KLHL8: variants seen among roughly 807,000 people sequenced by gnomAD.
KLHL8 encodes the protein kelch like family member 8, also known as kelch-like protein 8.
In KLHL8, 38 loss-of-function variants were observed where a neutral mutation model predicts 63.5. The observed-to-expected ratio is 0.60, with a 90% CI of 0.46 to 0.78. KLHL8 has a LOEUF of 0.78. KLHL8 is among the 30% of genes least tolerant of loss of function. KLHL8 has a pLI of 0.00. For missense variants in KLHL8, 566 were observed against 752.4 expected, an observed-to-expected ratio of 0.75 and a Z score of 2.90; for synonymous variants, 224 against 254.3, an observed-to-expected ratio of 0.88 and a Z score of 1.13.
intron 4 of KLHL8, among the ~76,000 whole-genome samples, chr4:87,182,045 G>A (rs990374955): frequency 2.6e-5 from 4 of 151,816 alleles, no homozygotes; most frequent in Admixed American, 6.6e-5. Context: ...TGGCTAACAC[G>A]GTGAAACCCC....
chr4:87,218,101 A>G (rs184222161), intron 1 of KLHL8, among the ~76,000 whole-genome samples: 2 of 152,286 alleles, frequency 1.3e-5, no homozygotes, highest in East Asian at 3.9e-4. Flanking sequence ...TACCACTCTG[A>G]TGAGAGATTT....
At chr4:87,186,785 A>T (rs1731276040) in intron 2 of KLHL8, among the ~76,000 whole-genome samples, 1 of 152,138 alleles carries the variant, frequency 6.6e-6, no homozygotes, top group African/African-American at 2.4e-5. Flanking sequence ...TGGCCTTCTA[A>T]GTGCTTTTCA....
At chr4:87,216,827 T>C (rs961953080) in intron 1 of KLHL8, among the ~76,000 whole-genome samples, 72 of 152,346 alleles carry the variant, frequency 4.7e-4, no homozygotes, top group African/African-American at 1.7e-3. Context: ...AAATACAGCA[T>C]GTGACTAGTA....
At chr4:87,225,986 A>C (rs1732966199) in intron 1 of KLHL8, among the ~76,000 whole-genome samples, 1 of 152,174 alleles carries the variant, frequency 6.6e-6, no homozygotes, top group African/African-American at 2.4e-5. Context: ...GGAACTGTGG[A>C]ATTCTCTCCG....
At chr4:87,165,742 C>G (rs895691977) in intron 8 of KLHL8, among the ~76,000 whole-genome samples, 1 of 151,982 alleles carries the variant, frequency 6.6e-6, no homozygotes, top group African/African-American at 2.4e-5. Flanking sequence ...TTCACTAGTT[C>G]CCTATCATTT....
intron 1 of KLHL8, among the ~76,000 whole-genome samples, chr4:87,237,791 C>A (rs1017232832): frequency 9.2e-5 from 14 of 152,164 alleles, no homozygotes; most frequent in African/African-American, 3.1e-4. Flanking sequence ...TGGCTCACTG[C>A]ACTTCAGTTT....
chr4:87,177,593 T>C (rs1730879801), intron 5 of KLHL8, among the ~76,000 whole-genome samples: 1 of 151,872 alleles, frequency 6.6e-6, no homozygotes, highest in Non-Finnish European at 1.5e-5. Context: ...CACATACATA[T>C]AAAACTGGTT....
chr4:87,193,661 A>G (rs1008142016), intron 2 of KLHL8, among the ~76,000 whole-genome samples: 4 of 152,210 alleles, frequency 2.6e-5, no homozygotes, highest in Non-Finnish European at 5.9e-5. Flanking sequence ...CACTATATAT[A>G]ACCATGTGTT....
In KLHL8 at chr4:87,207,594, C is replaced by T. The variant is rs1578395040; in HGVS notation, c.-151-11904G>A. 8.3e-6 allele frequency: 10 copies of T among 1,209,670 alleles called. No individual in the cohort carries two copies. The African/African-American group carries it at 8.9e-5, about 11-fold the overall frequency. 74.9% of individuals were successfully genotyped at this position (1,209,670 alleles called of 1,614,324 possible). On this transcript the variant is annotated intron_variant, in intron 1 of 9. Coordinates refer to ENST00000273963, the MANE Select transcript of KLHL8 (RefSeq NM_020803.5). ...ATGTCATCCATGACAACTTTGGTAT[C>T]GTGGAAGGACTCATGACTACAGTCC...
chr4:87,226,454 T>C (rs943063205), intron 1 of KLHL8, among the ~76,000 whole-genome samples: 9 of 149,102 alleles, frequency 6.0e-5, no homozygotes. Flanking sequence ...TCCCAGCTAC[T>C]TGGGGGCTGA....
At chr4:87,195,224 T>C in intron 2 of KLHL8, 100 bp downstream of exon 2, 4 of 817,186 alleles carry the variant, frequency 4.9e-6, no homozygotes, top group Non-Finnish European at 7.6e-6. Context: ...CTGTATCAAA[T>C]ATGTATAGCA....
At chr4:87,238,785 G>A (rs1284096148) in intron 1 of KLHL8, among the ~76,000 whole-genome samples, 1 of 152,144 alleles carries the variant, frequency 6.6e-6, no homozygotes, top group East Asian at 1.9e-4. Flanking sequence ...ACATATGATA[G>A]AAGGAATCAT....
chr4:87,222,369 T>C (rs1483198566), upstream of KLHL8, among the ~76,000 whole-genome samples: 1 of 152,100 alleles, frequency 6.6e-6, no homozygotes, highest in East Asian at 1.9e-4. Context: ...AAGAAGAGTA[T>C]ATAAACGTCT....
intron 1 of KLHL8, among the ~76,000 whole-genome samples, chr4:87,211,018 TG>T (rs755988801): frequency 6.6e-6 from 1 of 152,214 alleles, no homozygotes; most frequent in Non-Finnish European, 1.5e-5. Flanking sequence ...TAGTCTTCCC[TG>T]TAACACTACA....
chr4:87,229,556 C>T (rs947130861), intron 1 of KLHL8, among the ~76,000 whole-genome samples: 4 of 151,744 alleles, frequency 2.6e-5, no homozygotes, highest in African/African-American at 9.7e-5. Flanking sequence ...CTCAGCCTCC[C>T]AAGTAGCTGG....
At chr4:87,226,734 ATTAT>A (rs1188377488) in intron 1 of KLHL8, among the ~76,000 whole-genome samples, 5 of 21,826 alleles carry the variant, frequency 2.3e-4, no homozygotes, top group Non-Finnish European at 2.1e-4. Flanking sequence ...TATAATATAT[ATTAT>A]TTATATATAA....
At chr4:87,182,753 T>A (rs141876295) in intron 4 of KLHL8, among the ~76,000 whole-genome samples, 10 of 152,314 alleles carry the variant, frequency 6.6e-5, no homozygotes, top group Non-Finnish European at 1.2e-4. Flanking sequence ...TATACAAATG[T>A]TAGCTATGTT....
At chr4:87,224,714 G>T (rs1050820099), upstream of KLHL8, among the ~76,000 whole-genome samples, 3 of 151,936 alleles carry the variant, frequency 2.0e-5, no homozygotes. Context: ...ATCATTTCCC[G>T]CCTTTTATCC....
chr4:87,240,295 T>G (rs2110076315), exon 1 of KLHL8: 1 of 152,350 alleles, frequency 6.6e-6, no homozygotes, highest in East Asian at 1.9e-4. Context: ...CATCAGCTTC[T>G]TCTGAAAATG....
Sources: gnomAD v4.1 joint callset for allele counts (sites outside exome capture counted in the v4.1 genomes callset) on GRCh38, gnomAD v4.1.1 for gene constraint, MANE v1.5 for transcripts, NCBI Gene and HGNC (gene_info 2026-07-23, HGNC 2026-07-21) for gene names.